EXOC6B: variants seen among roughly 807,000 people sequenced by gnomAD.
EXOC6B encodes exocyst complex component 6B.
EXOC6B carries 54 observed loss-of-function variants against 113.5 expected under a neutral mutation model. The observed-to-expected ratio is 0.48, with a 90% CI of 0.38 to 0.60. The LOEUF is 0.60. EXOC6B is among the 20% of genes least tolerant of loss of function. The pLI, the probability that EXOC6B is intolerant of heterozygous loss-of-function variation, is 0.00. For missense variants in EXOC6B, 797 were observed against 977.5 expected (o/e 0.82, Z 2.46); for synonymous variants, 357 against 339.0 (o/e 1.05, Z -0.58).
At chr2:72,559,667 G>A (rs1346585338) in intron 7 of EXOC6B, 146 bp from the exon 8 acceptor site, 3 of 605,836 alleles carry the variant, frequency 5.0e-6, no homozygotes, top group Non-Finnish European at 8.5e-6. Context: ...AAAAAAATAG[G>A]TTTCCAAAGA....
chr2:72,686,091 T>C (rs1016513388), intron 6 of EXOC6B, among the ~76,000 whole-genome samples: 5 of 152,212 alleles, frequency 3.3e-5, no homozygotes, highest in Non-Finnish European at 7.3e-5. Context: ...AACAACTACA[T>C]TTGCTGAGCT....
intron 1 of EXOC6B, among the ~76,000 whole-genome samples, chr2:72,805,581 T>C (rs1239946393): frequency 6.6e-6 from 1 of 152,196 alleles, no homozygotes; most frequent in Non-Finnish European, 1.5e-5. Context: ...CATTGTGAAA[T>C]GATTAAATCA....
intron 8 of EXOC6B, among the ~76,000 whole-genome samples, chr2:72,546,595 G>A (rs750803249): frequency 3.1e-4 from 47 of 152,310 alleles, no homozygotes; most frequent in Non-Finnish European, 5.6e-4. Flanking sequence ...TGCTCAGGGA[G>A]ATCAATTAAT....
chr2:72,519,692 A>C (rs546017669), intron 8 of EXOC6B, among the ~76,000 whole-genome samples: 40 of 152,282 alleles, frequency 2.6e-4, no homozygotes, highest in African/African-American at 9.6e-4. Flanking sequence ...GAACATAACT[A>C]TCACGAATAA....
intron 17 of EXOC6B, among the ~76,000 whole-genome samples, chr2:72,480,145 G>A (rs545138174): frequency 6.6e-5 from 10 of 151,914 alleles, no homozygotes; most frequent in African/African-American, 1.9e-4. Context: ...CAGGGGTTGC[G>A]GTGAGCCAAG....
intron 8 of EXOC6B, among the ~76,000 whole-genome samples, chr2:72,543,428 A>ATAC (rs1553438761): frequency 6.6e-6 from 1 of 152,022 alleles, no homozygotes; most frequent in Non-Finnish European, 1.5e-5. Flanking sequence ...TTTACATGAG[A>ATAC]TATTATTATT....
At chr2:72,446,825 T>C (rs955972141) in intron 18 of EXOC6B, among the ~76,000 whole-genome samples, 7 of 152,154 alleles carry the variant, frequency 4.6e-5, no homozygotes, top group East Asian at 1.9e-4. Context: ...AATTTAAGAA[T>C]GTTGGCTGGG....
chr2:72,711,200 C>T (rs1679252922), intron 6 of EXOC6B, among the ~76,000 whole-genome samples: 1 of 151,838 alleles, frequency 6.6e-6, no homozygotes, highest in African/African-American at 2.4e-5. Flanking sequence ...TTTTAAATCA[C>T]TTCAAACTAA....
At chr2:72,554,279 G>A (rs11126374) in intron 8 of EXOC6B, among the ~76,000 whole-genome samples, 129,205 of 152,216 alleles carry the variant, frequency 0.85, 55,403 homozygotes, top group East Asian at 0.99. Flanking sequence ...ACTCAGATCC[G>A]CTGCAGAAAA....
At chr2:72,407,415 A>AAG (rs1261511013) in intron 18 of EXOC6B, among the ~76,000 whole-genome samples, 1 of 152,224 alleles carries the variant, frequency 6.6e-6, no homozygotes, top group Non-Finnish European at 1.5e-5. Flanking sequence ...ATAACAAAAA[A>AAG]AGAGAATTTT....
rs530350672 is a variant in EXOC6B at position 72,255,159 on chromosome 2, C to T, written c.2197-70972G>A. On this transcript the variant is annotated intron_variant, in intron 20 of 21. Transcript: ENST00000272427. ...GAAGCCAGAAACAGATGGGGTTATC[C>T]GGTAAAGATCAATGCAGGACCCTTC... is the stretch of plus-strand genomic sequence containing the variant. Among the ~76,000 whole-genome samples the T allele has an allele frequency of 1.4e-4, 21 of 152,226 alleles. No individual in the cohort carries two copies. The South Asian group carries it at 2.7e-3, about 20-fold the overall frequency.
At chr2:72,320,205 AT>A (rs1240483783) in intron 20 of EXOC6B, among the ~76,000 whole-genome samples, 1 of 148,902 alleles carries the variant, frequency 6.7e-6, no homozygotes, top group African/African-American at 2.4e-5. Context: ...TTACATATAT[AT>A]TTTTATATAT....
At chr2:72,514,711 G>C (rs1246738854) in intron 9 of EXOC6B, 31 bp from the exon 10 acceptor site, 2 of 1,437,340 alleles carry the variant, frequency 1.4e-6, no homozygotes, top group Non-Finnish European at 1.9e-6. Context: ...AAAAGTTATT[G>C]TTTCTGTTTT....
rs1698129126 is a variant in EXOC6B, at chr2:72,467,533, A to C, written c.1801-2194T>G. On this transcript the variant is annotated intron_variant, in intron 17 of 21. Coordinates refer to ENST00000272427, the MANE Select transcript of EXOC6B (RefSeq NM_015189.3). ...GATAATAGTCAACCTAACAGGTGGAAAGTCATATATCATTGTGGTTTTAGT... is the reference window on the plus strand; with the variant it reads ...GATAATAGTCAACCTAACAGGTGGACAGTCATATATCATTGTGGTTTTAGT... Among the ~76,000 whole-genome samples the C allele has an allele frequency of 3.3e-5, 5 of 152,172 alleles. No individual in the cohort carries two copies. In the South Asian group the frequency reaches 1.0e-3, roughly 32 times the overall value.
At chr2:72,476,055 T>C (rs1007111037) in intron 17 of EXOC6B, among the ~76,000 whole-genome samples, 3 of 152,172 alleles carry the variant, frequency 2.0e-5, no homozygotes, top group African/African-American at 7.2e-5. Flanking sequence ...TATAGCTGCT[T>C]AGGTCTCATG....
At chr2:72,522,801 T>A (rs1246851186) in intron 8 of EXOC6B, among the ~76,000 whole-genome samples, 2 of 152,218 alleles carry the variant, frequency 1.3e-5, no homozygotes, top group Non-Finnish European at 2.9e-5. Flanking sequence ...AATGTACATA[T>A]ACACGCATAT....
chr2:72,702,089 A>G (rs1393008886), intron 6 of EXOC6B, among the ~76,000 whole-genome samples: 1 of 130,264 alleles, frequency 7.7e-6, no homozygotes, highest in Non-Finnish European at 1.6e-5. Flanking sequence ...ACCCCACAAC[A>G]GTCCCCAGAG....
rs188457738 is a variant in EXOC6B at position 72,490,192 on chromosome 2, A to G, written c.1665+2126T>C. Among the ~76,000 whole-genome samples, 11 of 152,312 alleles carry G rather than the reference A, an allele frequency of 7.2e-5. No homozygotes were observed. In the East Asian group the frequency reaches 1.9e-3, roughly 27 times the overall value. ...AAATAATTAAATCAATATGGAAGGC[A>G]GTACAATACAGTAGAAGTGGATAGG... On this transcript the variant is annotated intron_variant, in intron 16 of 21. Coordinates refer to ENST00000272427, the MANE Select transcript of EXOC6B (RefSeq NM_015189.3).
intron 17 of EXOC6B, among the ~76,000 whole-genome samples, chr2:72,473,709 A>G (rs893017690): frequency 1.3e-5 from 2 of 151,998 alleles, no homozygotes; most frequent in African/African-American, 4.8e-5. Flanking sequence ...TCCCTTTATC[A>G]TATTAATTAT....
Sources: allele counts gnomAD v4.1 joint callset (sites outside exome capture counted in the v4.1 genomes callset), GRCh38; gene constraint gnomAD v4.1.1; transcripts MANE v1.5; gene names NCBI Gene and HGNC (gene_info 2026-07-23, HGNC 2026-07-21).